DPP10: variants seen among roughly 807,000 people sequenced by gnomAD.
The protein encoded by DPP10 is inactive dipeptidyl peptidase 10.
A neutral mutation model predicts 120.9 loss-of-function variants in DPP10; 33 were observed. The observed-to-expected ratio is 0.27, with a 90% CI of 0.21 to 0.37. DPP10 has a LOEUF of 0.37. Among genes scored for constraint, DPP10 ranks in the 10% least tolerant of loss-of-function variants. DPP10 has a pLI of 1.00. For synonymous variants in DPP10, 337 were observed against 326.1 expected (o/e 1.03, Z -0.36); for missense variants, 816 against 942.8 (o/e 0.87, Z 1.76).
intron 1 of DPP10, among the ~76,000 whole-genome samples, chr2:115,308,315 C>T (rs1327112804): frequency 6.6e-6 from 1 of 151,984 alleles, no homozygotes; most frequent in Non-Finnish European, 1.5e-5. Context: ...TTTCATTTAT[C>T]ACCAAATCTG....
chr2:115,653,578 A>C (rs2149384880), intron 5 of DPP10, among the ~76,000 whole-genome samples: 1 of 152,052 alleles, frequency 6.6e-6, no homozygotes, highest in Middle Eastern at 3.4e-3. Flanking sequence ...CCCAATATAC[A>C]ATAAATTCTA....
At chr2:115,417,214 A>G (rs1296136191) in intron 3 of DPP10, among the ~76,000 whole-genome samples, 1 of 152,134 alleles carries the variant, frequency 6.6e-6, no homozygotes, top group African/African-American at 2.4e-5. Flanking sequence ...ATTAATTACT[A>G]TGTGTTGTAT....
intron 1 of DPP10, among the ~76,000 whole-genome samples, chr2:114,863,410 T>C (rs902637613): frequency 2.6e-5 from 4 of 152,268 alleles, no homozygotes; most frequent in South Asian, 4.1e-4. Flanking sequence ...ACTGGTGAGA[T>C]GAAGTGAAGT....
At chr2:114,740,070 C>T (rs1677870901) in intron 1 of DPP10, among the ~76,000 whole-genome samples, 1 of 151,482 alleles carries the variant, frequency 6.6e-6, no homozygotes, top group Admixed American at 6.6e-5. Context: ...ATGTTTATTG[C>T]AGCACTATTC....
intron 3 of DPP10, among the ~76,000 whole-genome samples, chr2:115,430,766 G>A (rs2070898713): frequency 6.6e-6 from 1 of 152,100 alleles, no homozygotes; most frequent in Admixed American, 6.6e-5. Flanking sequence ...CTTTAATAAA[G>A]ACAGCACATT....
intron 1 of DPP10, among the ~76,000 whole-genome samples, chr2:115,299,224 G>A (rs1453353134): frequency 6.6e-6 from 1 of 151,960 alleles, no homozygotes; most frequent in African/African-American, 2.4e-5. Context: ...AGAAAATATG[G>A]ATAATATAAA....
At chr2:115,791,452 C>A (rs1451346374) in intron 19 of DPP10, 96 bp downstream of exon 19, 3 of 1,084,484 alleles carry the variant, frequency 2.8e-6, no homozygotes, top group African/African-American at 3.2e-5. Context: ...GAAGAGAAGT[C>A]CTATGTGTGT....
chr2:115,381,270 C>CT (rs1373221732), intron 3 of DPP10, among the ~76,000 whole-genome samples: 1 of 152,130 alleles, frequency 6.6e-6, no homozygotes, highest in Non-Finnish European at 1.5e-5. Flanking sequence ...TCTTTTTTCT[C>CT]TAAGCTTCCC....
chr2:114,707,475 T>C (rs1038235692), intron 1 of DPP10, among the ~76,000 whole-genome samples: 39 of 152,360 alleles, frequency 2.6e-4, no homozygotes, highest in Middle Eastern at 6.8e-3. Flanking sequence ...CAGTAGTTAT[T>C]AAAAGTACAT....
At chr2:115,447,603 G>A (rs2072728451) in intron 3 of DPP10, among the ~76,000 whole-genome samples, 1 of 152,148 alleles carries the variant, frequency 6.6e-6, no homozygotes, top group Non-Finnish European at 1.5e-5. Context: ...TCTTGTGATA[G>A]TGAGAGAGTT....
At position 114,641,229 on chromosome 2, in the gene DPP10, A is replaced by G. The variant is rs1017538439; in HGVS notation, c.60+198391A>G. 1.9e-4 allele frequency among the ~76,000 whole-genome samples: 29 copies of G among 152,004 alleles called. 2 individuals are homozygous for G. The highest frequency in any genetic ancestry group is 6.5e-4 in the African/African-American group (27 of 41,248). ...ATTTGTTTTTCATTCTTCTTTCCAT[A>G]TCACACTGCTATATAGTTACTATGT... On this transcript the variant is annotated intron_variant, in intron 1 of 25. Transcript: ENST00000410059.
intron 5 of DPP10, among the ~76,000 whole-genome samples, chr2:115,538,924 T>C (rs1443608833): frequency 6.6e-6 from 1 of 151,982 alleles, no homozygotes; most frequent in East Asian, 1.9e-4. Context: ...ATTCATGATA[T>C]GTTTAAATAA....
intron 1 of DPP10, among the ~76,000 whole-genome samples, chr2:115,185,099 G>T (rs959665574): frequency 2.6e-5 from 4 of 152,188 alleles, no homozygotes; most frequent in South Asian, 2.1e-4. Context: ...ACATGAGATG[G>T]ATCACAGTGA....
intron 3 of DPP10, among the ~76,000 whole-genome samples, chr2:115,391,393 G>A (rs918467468): frequency 1.3e-5 from 2 of 152,112 alleles, no homozygotes; most frequent in Non-Finnish European, 2.9e-5. Flanking sequence ...AGCTAAAACA[G>A]TGCACATTCA....
chr2:115,783,368 C>G (rs1682988613), intron 17 of DPP10, among the ~76,000 whole-genome samples: 1 of 152,118 alleles, frequency 6.6e-6, no homozygotes, highest in African/African-American at 2.4e-5. Context: ...ATAATAACTA[C>G]TTTTTCTATT....
chr2:115,670,703 A>G (rs954409228), intron 5 of DPP10, among the ~76,000 whole-genome samples: 1 of 152,164 alleles, frequency 6.6e-6, no homozygotes. Flanking sequence ...AATAAGGACT[A>G]TGTATTCATT....
chr2:115,502,874 T>G (rs1575036083), intron 4 of DPP10, among the ~76,000 whole-genome samples: 1 of 648 alleles, frequency 1.5e-3, no homozygotes, highest in South Asian at 0.5. Context: ...TTTAAAACAG[T>G]TTTTTTTTTT....
chr2:114,529,325 C>T (rs1430363545), intron 1 of DPP10, among the ~76,000 whole-genome samples: 3 of 152,122 alleles, frequency 2.0e-5, no homozygotes, highest in Non-Finnish European at 4.4e-5. Flanking sequence ...TCATGTTGCC[C>T]ACTTCAAAAC....
chr2:115,112,614 A>G (rs2049283731), intron 1 of DPP10, among the ~76,000 whole-genome samples: 1 of 152,192 alleles, frequency 6.6e-6, no homozygotes, highest in Non-Finnish European at 1.5e-5. Flanking sequence ...ATACATTGTT[A>G]TTAATACATA....
Sources: gnomAD v4.1 joint callset for allele counts (sites outside exome capture counted in the v4.1 genomes callset) on GRCh38, gnomAD v4.1.1 for gene constraint, MANE v1.5 for transcripts, NCBI Gene and HGNC (gene_info 2026-07-23, HGNC 2026-07-21) for gene names.